The following WDFY2 variants were observed in gnomAD, a reference collection of about 807,000 sequenced individuals.
WDFY2 encodes the protein WD repeat and FYVE domain-containing protein 2.
WDFY2 carries 36 observed loss-of-function variants against 56.4 expected under a neutral mutation model. The ratio of observed to expected loss-of-function variants is 0.64; its 90% CI spans 0.49 to 0.84. The LOEUF (loss-of-function observed/expected upper bound fraction) is 0.84, where lower values mean the gene tolerates loss of function less well. WDFY2 is among the 40% of genes least tolerant of loss of function. The pLI is 0.00. For missense variants in WDFY2, 444 were observed against 512.2 expected (o/e 0.87, Z 1.29); for synonymous variants, 176 against 183.7 (o/e 0.96, Z 0.34).
chr13:51,727,841 C>T lies in WDFY2; in HGVS notation c.598+51C>T, dbSNP rs775404000. The stretch of plus-strand genomic sequence containing the variant: ...GTGCTGATAGCACAGTGAGATATCG[C>T]CTGCTGCATCTCCTGATGTTCAGAT... On this transcript the variant is annotated intron_variant, in intron 6 of 11. Transcript: ENST00000298125. 1.5e-5 allele frequency: 23 copies of T among 1,513,944 alleles called. No homozygotes were observed. The South Asian group carries it at 2.3e-4, about 15-fold the overall frequency. The allele number at this position is 1,513,944 out of a possible 1,614,324, so 93.8% of individuals were successfully genotyped here. A position where few individuals can be genotyped will look rare whatever the true frequency, so the allele number is the denominator to read the frequency against.
At chr13:51,654,001 G>T (rs540939892) in intron 1 of WDFY2, among the ~76,000 whole-genome samples, 8 of 152,250 alleles carry the variant, frequency 5.3e-5, no homozygotes, top group Non-Finnish European at 1.2e-4. Flanking sequence ...CCTGCCCCCA[G>T]AGGTGGAGTC....
Position 51,762,123 on chromosome 13 carries a change from C to G in WDFY2, c.*2354C>G, listed in dbSNP as rs1407236949. 6.6e-6 allele frequency: 1 copy of G among 152,216 alleles called. No individual in the cohort carries two copies. The highest frequency in any genetic ancestry group is 2.4e-5 in the African/African-American group (1 of 41,436). 9.4% of individuals were successfully genotyped at this position (152,216 alleles called of 1,614,324 possible). ...TGTGTGTTGGAAATGAGTAATAGAGCTGAATCACTCCATTTTCCCTTCCTA... is the reference window on the plus strand; with the variant it reads ...TGTGTGTTGGAAATGAGTAATAGAGGTGAATCACTCCATTTTCCCTTCCTA... On this transcript the variant is annotated 3_prime_UTR_variant, in exon 12 of 12. Coordinates refer to ENST00000298125, the MANE Select transcript of WDFY2 (RefSeq NM_052950.4).
chr13:51,588,081 C>G (rs546044699), intron 1 of WDFY2: 1 of 152,244 alleles, frequency 6.6e-6, no homozygotes, highest in Admixed American at 6.5e-5. Context: ...ACTCCCCACC[C>G]TTGTCTGATT....
intron 4 of WDFY2, among the ~76,000 whole-genome samples, chr13:51,706,962 A>G (rs1952095581): frequency 6.6e-6 from 1 of 152,218 alleles, no homozygotes; most frequent in Admixed American, 6.5e-5. Flanking sequence ...TGATTGAAGA[A>G]AAAAGTTTCA....
chr13:51,666,948 G>T (rs1025175219), intron 2 of WDFY2, among the ~76,000 whole-genome samples: 1 of 152,110 alleles, frequency 6.6e-6, no homozygotes, highest in Admixed American at 6.6e-5. Flanking sequence ...ATTCAGAATG[G>T]CTTGTAGGTT....
chr13:51,653,400 C>G (rs1043600740), intron 1 of WDFY2, among the ~76,000 whole-genome samples: 1 of 152,232 alleles, frequency 6.6e-6, no homozygotes, highest in African/African-American at 2.4e-5. Flanking sequence ...CTTCTCTCAA[C>G]TCGTCAAAGT....
chr13:51,736,054 A>T (rs948244512), intron 6 of WDFY2, among the ~76,000 whole-genome samples: 1 of 152,162 alleles, frequency 6.6e-6, no homozygotes, highest in African/African-American at 2.4e-5. Context: ...TGATCTCATG[A>T]TGGCTGGGAT....
At chr13:51,620,803 C>T (rs1954710940) in intron 1 of WDFY2, among the ~76,000 whole-genome samples, 1 of 152,016 alleles carries the variant, frequency 6.6e-6, no homozygotes, top group East Asian at 1.9e-4. Flanking sequence ...TGTGGCAGAA[C>T]CCCTTACATG....
chr13:51,616,167 G>T (rs1954608779), intron 1 of WDFY2, among the ~76,000 whole-genome samples: 1 of 152,158 alleles, frequency 6.6e-6, no homozygotes, highest in African/African-American at 2.4e-5. Flanking sequence ...AACCCAGGAG[G>T]TCGAGGCTGC....
rs527450851 is a variant in WDFY2, at chr13:51,694,182, C to T, written c.280-9414C>T. On this transcript the variant is annotated intron_variant, in intron 3 of 11. Transcript: ENST00000298125. ...TTAATTGGAGCATTTAGTCCATTTA[C>T]ATTTAAAGTTAATATTTTTATGTGT... 2.8e-3 allele frequency among the ~76,000 whole-genome samples: 427 copies of T among 152,274 alleles called. 2 individuals carry two copies. The highest frequency in any genetic ancestry group is 1.0e-2 in the African/African-American group (415 of 41,564).
rs1006965092 is a variant in WDFY2, at chr13:51,767,526, AGAT to A, written c.*7759_*7761del. 32 of 152,572 alleles carry A rather than the reference AGAT, an allele frequency of 2.1e-4. No individual in the cohort carries two copies. Among genetic ancestry groups the A allele is most frequent in the African/African-American group, 7.5e-4 (31 of 41,548 alleles). 9.5% of individuals were successfully genotyped at this position (152,572 alleles called of 1,614,324 possible). A position where few individuals can be genotyped will look rare whatever the true frequency, so the allele number is the denominator to read the frequency against. On this transcript the variant is annotated 3_prime_UTR_variant, in exon 12 of 12. Transcript: ENST00000298125. ...CACCATGGACACCAAGAATGTATGT[AGAT>A]GTATTCTAAATCTGCTCATTGGTTT... is the stretch of plus-strand genomic sequence containing the variant.
intron 2 of WDFY2, among the ~76,000 whole-genome samples, chr13:51,672,752 G>A (rs1296813271): frequency 6.6e-6 from 1 of 152,128 alleles, no homozygotes; most frequent in East Asian, 1.9e-4. Flanking sequence ...CTTTGTAGAG[G>A]TCTTTCACCT....
intron 3 of WDFY2, among the ~76,000 whole-genome samples, chr13:51,702,118 C>A (rs1198384298): frequency 6.6e-6 from 1 of 152,072 alleles, no homozygotes; most frequent in Non-Finnish European, 1.5e-5. Flanking sequence ...TCAAGACCAG[C>A]CTGGCCAACA....
At chr13:51,602,104 A>G (rs1954296864) in intron 1 of WDFY2, among the ~76,000 whole-genome samples, 1 of 152,248 alleles carries the variant, frequency 6.6e-6, no homozygotes, top group African/African-American at 2.4e-5. Flanking sequence ...GAAGTACTTA[A>G]GAACTGGGTG....
At chr13:51,694,294 T>C (rs1238356042) in intron 3 of WDFY2, among the ~76,000 whole-genome samples, 1 of 152,230 alleles carries the variant, frequency 6.6e-6, no homozygotes, top group Non-Finnish European at 1.5e-5. Context: ...GTCTTTACAA[T>C]TTGGCATGAT....
chr13:51,628,445 T>A (rs1954880428), intron 1 of WDFY2, among the ~76,000 whole-genome samples: 1 of 152,194 alleles, frequency 6.6e-6, no homozygotes, highest in Non-Finnish European at 1.5e-5. Context: ...ACAGGAGGGC[T>A]TCCCAGGCCC....
intron 3 of WDFY2, among the ~76,000 whole-genome samples, chr13:51,676,303 C>T (rs151114591): frequency 6.6e-6 from 1 of 152,312 alleles, no homozygotes; most frequent in East Asian, 1.9e-4. Context: ...GAGTGCAGGG[C>T]CCCTCAAGGT....
Position 51,762,577 on chromosome 13 carries a change from T to C in WDFY2, c.*2808T>C, listed in dbSNP as rs1953619848. On this transcript the variant is annotated 3_prime_UTR_variant, in exon 12 of 12. Coordinates refer to ENST00000298125, the MANE Select transcript of WDFY2 (RefSeq NM_052950.4). Reference sequence around the variant, plus strand: ...TTAAGTGTCTCCCCCATTTTTGTAATTTGTAGAGAAATATGTGCTGGTGTT... The same window carrying C: ...TTAAGTGTCTCCCCCATTTTTGTAACTTGTAGAGAAATATGTGCTGGTGTT... 2.0e-5 allele frequency: 3 copies of C among 152,248 alleles called. No homozygotes were observed. The South Asian group carries it at 6.2e-4, about 32-fold the overall frequency. The allele number at this position is 152,248 out of a possible 1,614,324, so 9.4% of individuals were successfully genotyped here. A position where few individuals can be genotyped will look rare whatever the true frequency, so the allele number is the denominator to read the frequency against.
chr13:51,688,195 A>G (rs1956093452), intron 3 of WDFY2, among the ~76,000 whole-genome samples: 1 of 152,138 alleles, frequency 6.6e-6, no homozygotes, highest in Non-Finnish European at 1.5e-5. Context: ...CATGCCAACC[A>G]TTTGGTCCTG....
Sources: allele counts gnomAD v4.1 joint callset (sites outside exome capture counted in the v4.1 genomes callset), GRCh38; gene constraint gnomAD v4.1.1; transcripts MANE v1.5; gene names NCBI Gene and HGNC (gene_info 2026-07-23, HGNC 2026-07-21).